The following NLRP10 variants were observed in gnomAD, a reference collection of about 807,000 sequenced individuals.
NLRP10 encodes NACHT, LRR and PYD domains-containing protein 10.
In NLRP10, 7 loss-of-function variants were observed where a neutral mutation model predicts 8.2. The observed-to-expected ratio is 0.85, with a 90% CI of 0.48 to 1.60. NLRP10 has a LOEUF of 1.60. Ranked by LOEUF, NLRP10 falls within the 40% of genes most tolerant of loss-of-function variation. NLRP10 has a pLI of 0.00. For missense variants in NLRP10, 814 were observed against 776.3 expected (o/e 1.05, Z -0.58); for synonymous variants, 338 against 314.0 (o/e 1.08, Z -0.81).
chr11:7,961,694 G>A (rs1222866160), intron 2 of NLRP10, among the ~76,000 whole-genome samples: 1 of 152,232 alleles, frequency 6.6e-6, no homozygotes, highest in Non-Finnish European at 1.5e-5. Flanking sequence ...ATGCCTGTGT[G>A]AGAATGCATG....
In NLRP10 at chr11:7,961,140, A is replaced by T; in HGVS notation, c.472T>A (p.Ser158Thr). Residue 158 changes from serine (S) to threonine (T), a missense_variant, in exon 3 of 3, where the codon TCA (serine) becomes ACA (threonine). Ser to Thr is a moderately conservative substitution (Grantham distance 58). Coordinates refer to ENST00000691676, the MANE Select transcript of NLRP10 (RefSeq NM_001391958.1). ...GGGGCCAGTGAGGGCTTTTCCCCTG[A>T]ATCAAATAGAGCCTCCACCGTGACA... The part of the protein sequence containing the change: ...ESVTVEALFD[S>T]GEKPSLAPSL... 6.2e-7 allele frequency: 1 copy of T among 1,613,972 alleles called. No homozygotes were observed. The highest frequency in any genetic ancestry group is 1.3e-5 in the African/African-American group (1 of 74,972).
rs776383358 is a variant in NLRP10 at position 7,963,799 on chromosome 11, C to CT, written c.-45-260_-45-259insA. 4.4e-3 allele frequency: 1,038 copies of CT among 238,128 alleles called. 12 individuals are homozygous for CT. Among genetic ancestry groups the CT allele is most frequent in the Middle Eastern group, 0.018 (16 of 908 alleles). 14.8% of individuals were successfully genotyped at this position (238,128 alleles called of 1,614,324 possible). On this transcript the variant is annotated intron_variant, in intron 1 of 2. Coordinates refer to ENST00000691676, the MANE Select transcript of NLRP10 (RefSeq NM_001391958.1). ...ATCTCTCAATCTCTCTCTCTCTCCC[C>CT]CAAACTCTATCTCTGTCTCTCTCTC...
At chr11:7,962,233 T>TTTTTTTTTC (rs1941744257) in intron 2 of NLRP10, among the ~76,000 whole-genome samples, 1 of 84,476 alleles carries the variant, frequency 1.2e-5, no homozygotes, top group Non-Finnish European at 2.2e-5. Context: ...AGCCTGTTCT[T>TTTTTTTTTC]TTTTTTTTTT....
rs1317160957 is a variant in NLRP10, at chr11:7,965,263, G to A, written c.-63C>T. On this transcript the variant is annotated 5_prime_UTR_variant, in exon 1 of 3. Transcript: ENST00000691676. ...CTGCTTACCACAGTTCAGACTTGGG[G>A]AGCTGGAGGTGAGGCAGCGAGAACT... The A allele has an allele frequency of 6.6e-6, 1 of 152,218 alleles. No homozygotes were observed. The highest frequency in any genetic ancestry group is 2.4e-5 in the African/African-American group (1 of 41,448). 9.4% of individuals were successfully genotyped at this position (152,218 alleles called of 1,614,324 possible).
Position 7,961,036 on chromosome 11 carries a change from G to A in NLRP10, c.576C>T (p.Thr192=), listed in dbSNP as rs138681119. 4.1e-5 allele frequency: 66 copies of A among 1,614,142 alleles called. No individual in the cohort carries two copies. Among genetic ancestry groups the A allele is most frequent in the Middle Eastern group, 1.6e-4 (1 of 6,062 alleles). Residue 192 remains threonine, a synonymous_variant, in exon 3 of 3, where the codon ACC becomes ACT. Transcript: ENST00000691676. ...LARKMVLDWA[T]GTLYPGRFDY... Reference sequence around the variant, plus strand: ...CAAACCGGCCTGGGTACAGAGTACCGGTGGCCCAGTCCAACACCATTTTTC... The same window carrying A: ...CAAACCGGCCTGGGTACAGAGTACCAGTGGCCCAGTCCAACACCATTTTTC...
At chr11:7,964,136 A>G (rs1211940675) in intron 1 of NLRP10, among the ~76,000 whole-genome samples, 1 of 152,120 alleles carries the variant, frequency 6.6e-6, no homozygotes, top group African/African-American at 2.4e-5. Context: ...GGGCCCGGCT[A>G]GACTCGATCT....
At chr11:7,962,228 G>GTTTTTTTTTTTTTTTTT (rs1196465022) in intron 2 of NLRP10, among the ~76,000 whole-genome samples, 1 of 36,860 alleles carries the variant, frequency 2.7e-5, no homozygotes, top group African/African-American at 8.4e-5. Flanking sequence ...AGATAAGCCT[G>GTTTTTTTTTTTTTTTTT]TTCTTTTTTT....
At chr11:7,961,745 G>A (rs1029065053) in intron 2 of NLRP10, among the ~76,000 whole-genome samples, 7 of 152,176 alleles carry the variant, frequency 4.6e-5, no homozygotes, top group Non-Finnish European at 8.8e-5. Context: ...ATGTGAAGAG[G>A]TGAGGACAGA....
At position 7,960,628 on chromosome 11, in the gene NLRP10, GA is replaced by G. The variant is rs1417883571; in HGVS notation, c.983del (p.Phe328SerfsTer48). 4 of 1,614,076 alleles carry G rather than the reference GA, an allele frequency of 2.5e-6. No homozygotes were observed. The African/African-American group carries it at 4.0e-5, about 16-fold the overall frequency. ...EERARYFSSY[F>X]TDEKQADRAF... ...CACGGTCAGCTTGCTTCTCATCCGTGAAATAGGAGCTGAAGTACCTCGCCCT... is the reference window on the plus strand; with the variant it reads ...CACGGTCAGCTTGCTTCTCATCCGTGAATAGGAGCTGAAGTACCTCGCCCT... On this transcript the variant is annotated frameshift_variant, in exon 3 of 3. Coordinates refer to ENST00000691676, the MANE Select transcript of NLRP10 (RefSeq NM_001391958.1). LOFTEE classifies it low-confidence loss of function (END_TRUNC).
rs778027403 is a variant in NLRP10 at position 7,960,648 on chromosome 11, T to A, written c.964A>T (p.Arg322Trp). The A allele has an allele frequency of 1.9e-6, 3 of 1,614,028 alleles. No individual in the cohort carries two copies. The highest frequency in any genetic ancestry group is 2.5e-6 in the Non-Finnish European group (3 of 1,180,022). ...TCCGTGAAATAGGAGCTGAAGTACCTCGCCCTCTCCTCCTCAGAGAAGCCT... is the reference window on the plus strand; with the variant it reads ...TCCGTGAAATAGGAGCTGAAGTACCACGCCCTCTCCTCCTCAGAGAAGCCT... ...ILGFSEEERA[R>W]YFSSYFTDEK... Residue 322 changes from arginine (R) to tryptophan (W), a missense_variant, in exon 3 of 3, where the codon AGG becomes TGG. Transcript: ENST00000691676.
chr11:7,958,126 A>G lies in NLRP10; in HGVS notation c.*1518T>C, dbSNP rs1941650559. 6.6e-6 allele frequency among the ~76,000 whole-genome samples: 1 copy of G among 152,206 alleles called. No homozygotes were observed. The highest frequency in any genetic ancestry group is 1.5e-5 in the Non-Finnish European group (1 of 68,030). On this transcript the variant is annotated 3_prime_UTR_variant, in exon 3 of 3. Transcript: ENST00000691676. ...TTGCTTATCCATCACCTATTGAAGG[A>G]CATCTTGGTTGCTTCCAAATTTGGG...
In NLRP10 at chr11:7,959,641, G is replaced by A. The variant is rs950358557; in HGVS notation, c.*3C>T. On this transcript the variant is annotated 3_prime_UTR_variant, in exon 3 of 3. Transcript: ENST00000691676. ...TAGAGATCTTGTACATATTTAATTA[G>A]GTTTATATGTAAGTATTTTTTGGTG... is the stretch of plus-strand genomic sequence containing the variant. 7.0e-7 allele frequency: 1 copy of A among 1,421,462 alleles called. No individual in the cohort carries two copies. The highest frequency in any genetic ancestry group is 2.2e-5 in the Admixed American group (1 of 45,338). The allele number at this position is 1,421,462 out of a possible 1,614,324, so 88.1% of individuals were successfully genotyped here. A position where few individuals can be genotyped will look rare whatever the true frequency, so the allele number is the denominator to read the frequency against.
Position 7,961,028 on chromosome 11 carries a change from A to G in NLRP10, c.584T>C (p.Leu195Pro). ...KMVLDWATGT[L>P]YPGRFDYVFY... Reference sequence around the variant, plus strand: ...GACATAATCAAACCGGCCTGGGTACAGAGTACCGGTGGCCCAGTCCAACAC... The same window carrying G: ...GACATAATCAAACCGGCCTGGGTACGGAGTACCGGTGGCCCAGTCCAACAC... Residue 195 changes from leucine (L) to proline (P), a missense_variant, in exon 3 of 3, where the codon CTG becomes CCG. Physicochemically the swap from Leu to Pro is moderately conservative, Grantham distance 98. Coordinates refer to ENST00000691676, the MANE Select transcript of NLRP10 (RefSeq NM_001391958.1). 2 of 1,614,218 alleles carry G rather than the reference A, an allele frequency of 1.2e-6. No homozygotes were observed. The highest frequency in any genetic ancestry group is 1.1e-5 in the South Asian group (1 of 91,082).
Position 7,959,767 on chromosome 11 carries a change from C to A in NLRP10, c.1845G>T (p.Glu615Asp), listed in dbSNP as rs750141713. ...GTCCATGGACAGAAGGACATTTTTG[C>A]TCCTCCTTAGGTCCATGACTCAAGC... is the stretch of plus-strand genomic sequence containing the variant. ...KSSLSHGPKE[E>D]QKCPSVHGQK... Residue 615 changes from glutamate to aspartate, a missense_variant, in exon 3 of 3, where the codon GAG (glutamate) becomes GAT (aspartate). Transcript: ENST00000691676. 4 of 1,613,412 alleles carry A rather than the reference C, an allele frequency of 2.5e-6. No individual in the cohort carries two copies. Among genetic ancestry groups the A allele is most frequent in the Middle Eastern group, 1.7e-4 (1 of 6,058 alleles).
rs1421529018 is a variant in NLRP10, at chr11:7,958,598, G to T, written c.*1046C>A. Among the ~76,000 whole-genome samples the T allele has an allele frequency of 6.6e-6, 1 of 151,848 alleles. No homozygotes were observed. Among genetic ancestry groups the T allele is most frequent in the Non-Finnish European group, 1.5e-5 (1 of 67,972 alleles). ...CAGAGTCTCACTCTGTTGCCAGGCT[G>T]GAGTGCAGTGGTGCGATCTCAGCTC... On this transcript the variant is annotated 3_prime_UTR_variant, in exon 3 of 3. Transcript: ENST00000691676.
At position 7,963,189 on chromosome 11, in the gene NLRP10, C is replaced by G; in HGVS notation, c.289+18G>C. 6.2e-7 allele frequency: 1 copy of G among 1,608,644 alleles called. No homozygotes were observed. Among genetic ancestry groups the G allele is most frequent in the Non-Finnish European group, 8.5e-7 (1 of 1,176,574 alleles). On this transcript the variant is annotated intron_variant, in intron 2 of 2. Transcript: ENST00000691676. The stretch of plus-strand genomic sequence containing the variant: ...CCCAGTGCCATCCTGCCCTCCCCTT[C>G]CCCCGCTCCACACTCACCATGCAGA...
At chr11:7,963,151 G>A (rs1941761097) in intron 2 of NLRP10, 56 bp downstream of exon 2, 8 of 1,536,456 alleles carry the variant, frequency 5.2e-6, no homozygotes, top group African/African-American at 1.4e-5. Flanking sequence ...AAATGCCATG[G>A]TGGGAGGGGA....
In NLRP10 at chr11:7,963,515, C is replaced by A; in HGVS notation, c.-20G>T. 1 of 1,598,594 alleles carries A rather than the reference C, an allele frequency of 6.3e-7. No individual in the cohort carries two copies. The highest frequency in any genetic ancestry group is 1.1e-5 in the South Asian group (1 of 88,904). ...GGCCATGGTGATCTGGGGGAAGGAT[C>A]AAGTCCAGACCAGAAGACCAGTGAC... On this transcript the variant is annotated 5_prime_UTR_variant, in exon 2 of 3. Transcript: ENST00000691676.
rs745968010 is a variant in NLRP10 at position 7,959,666 on chromosome 11, G to A, written c.1946C>T (p.Thr649Ile). The A allele has an allele frequency of 6.4e-7, 1 of 1,567,072 alleles. No individual in the cohort carries two copies. The highest frequency in any genetic ancestry group is 1.4e-5 in the African/African-American group (1 of 72,212). The change falls in exon 3 of 3, where the codon ACA becomes ATA. Residue 649 changes from threonine to isoleucine, a missense_variant. Coordinates refer to ENST00000691676, the MANE Select transcript of NLRP10 (RefSeq NM_001391958.1). ...GGTTTATATGTAAGTATTTTTTGGT[G>A]TTTCCTCTGTCCCTCTGCCTTTTCC... ...STGKGRGTEE[T>I]PKNTYI
Sources: allele counts gnomAD v4.1 joint callset (sites outside exome capture counted in the v4.1 genomes callset), GRCh38; gene constraint gnomAD v4.1.1; transcripts MANE v1.5; gene names NCBI Gene and HGNC (gene_info 2026-07-23, HGNC 2026-07-21).